Variants in GBA2 observed in about 807,000 individuals in gnomAD.
The protein encoded by GBA2 is glucosylceramidase beta 2.
GBA2 carries 79 observed loss-of-function variants against 112.9 expected under a neutral mutation model. That is an observed-to-expected ratio of 0.70 (90% CI 0.58 to 0.84). GBA2 has a LOEUF of 0.84. GBA2 is among the 40% of genes least tolerant of loss of function. GBA2 has a pLI of 0.00. For missense variants in GBA2, 1,043 were observed against 1,190.0 expected (o/e 0.88, Z 1.82); for synonymous variants, 403 against 434.3 (o/e 0.93, Z 0.90).
intron 3 of GBA2, among the ~76,000 whole-genome samples, chr9:35,743,939 T>C (rs1299689127): frequency 1.3e-5 from 2 of 152,128 alleles, no homozygotes; most frequent in East Asian, 3.9e-4. Flanking sequence ...TTGGGTTTTC[T>C]TTTCCCTTCC....
In GBA2 at chr9:35,741,259, C is replaced by T. The variant is rs1826657213; in HGVS notation, c.787-195G>A. On this transcript the variant is annotated intron_variant, in intron 4 of 16. Transcript: ENST00000378103. This position sits in a 1 kb window ranked among gnomAD's most constrained non-coding sequence, Gnocchi z 4.6. ...ATATAGAAGACCAGAACCAGTTGGG[C>T]GGTGGTTCTGGGAAGCCAGTGTGAT... 3 of 608,196 alleles carry T rather than the reference C, an allele frequency of 4.9e-6. No homozygotes were observed. Among genetic ancestry groups the T allele is most frequent in the African/African-American group, 3.7e-5 (2 of 54,020 alleles). 37.7% of individuals were successfully genotyped at this position (608,196 alleles called of 1,614,324 possible).
Position 35,739,064 on chromosome 9 carries a change from A to G in GBA2, c.1733T>C (p.Met578Thr), listed in dbSNP as rs571370571. 1.2e-6 allele frequency: 2 copies of G among 1,613,574 alleles called. No individual in the cohort carries two copies. The highest frequency in any genetic ancestry group is 2.2e-5 in the East Asian group (1 of 44,832). ...REDLTRRRYL[M>T]SGVMAPVKRR... is the part of the protein sequence containing the mutation. ...TTTCACAGGTGCCATCACCCCACTC[A>G]TCAGGTACCGTCGCCGTGTCAGGTC... Residue 578 changes from methionine (M) to threonine (T), a missense_variant, in exon 11 of 17, where the codon ATG (methionine) becomes ACG (threonine). By Grantham distance (81) the Met-to-Thr change is moderately conservative. Coordinates refer to ENST00000378103, the MANE Select transcript of GBA2 (RefSeq NM_020944.3).
At position 35,737,952 on chromosome 9, in the gene GBA2, G is replaced by A. The variant is rs1181066236; in HGVS notation, c.2314-13C>T. ...GGGTAGGAAACACCTGGAGGGGCAA[G>A]GGCAGGAACATGGTCTCATATACTT... On this transcript the variant is annotated splice_polypyrimidine_tract_variant and intron_variant, in intron 15 of 16. Transcript: ENST00000378103. This position sits in a 1 kb window ranked among gnomAD's most constrained non-coding sequence, Gnocchi z 4.1. 1.9e-6 allele frequency: 3 copies of A among 1,607,856 alleles called. No homozygotes were observed. Among genetic ancestry groups the A allele is most frequent in the African/African-American group, 1.3e-5 (1 of 74,908 alleles).
In GBA2 at chr9:35,737,682, G is replaced by T; in HGVS notation, c.2505+66C>A. ...ATTGGGTTATGCCTTGAAGAAATTTGGTGGTTGAGGAAGTTTTCTGGGCCA... is the reference window on the plus strand; with the variant it reads ...ATTGGGTTATGCCTTGAAGAAATTTTGTGGTTGAGGAAGTTTTCTGGGCCA... On this transcript the variant is annotated intron_variant, in intron 16 of 16. Coordinates refer to ENST00000378103, the MANE Select transcript of GBA2 (RefSeq NM_020944.3). The surrounding 1 kb of genome is among the most constrained non-coding windows in gnomAD (Gnocchi z 4.1). The T allele has an allele frequency of 6.2e-7, 1 of 1,611,394 alleles. No homozygotes were observed. Among genetic ancestry groups the T allele is most frequent in the Non-Finnish European group, 8.5e-7 (1 of 1,177,582 alleles).
chr9:35,747,208 T>A (rs1394229907), intron 1 of GBA2, among the ~76,000 whole-genome samples: 1 of 152,206 alleles, frequency 6.6e-6, no homozygotes, highest in Non-Finnish European at 1.5e-5. Flanking sequence ...CAGGCCTCTA[T>A]GACTCAGTTC....
chr9:35,737,833 T>A lies in GBA2; in HGVS notation c.2420A>T (p.His807Leu). ...AMGAVNGMQP[H>L]GVPDKSSVQS... Reference sequence around the variant, plus strand: ...CACACTGGATTTATCAGGGACACCATGGGGCTGCATCCCATTCACAGCCCC... The same window carrying A: ...CACACTGGATTTATCAGGGACACCAAGGGGCTGCATCCCATTCACAGCCCC... The change falls in exon 16 of 17, where the codon CAT becomes CTT. Residue 807 changes from histidine (H) to leucine (L), a missense_variant. Coordinates refer to ENST00000378103, the MANE Select transcript of GBA2 (RefSeq NM_020944.3). The surrounding 1 kb of genome is among the most constrained non-coding windows in gnomAD (Gnocchi z 4.1). 6.2e-7 allele frequency: 1 copy of A among 1,613,682 alleles called. No homozygotes were observed. The highest frequency in any genetic ancestry group is 1.1e-5 in the South Asian group (1 of 91,046).
chr9:35,748,632 C>T lies in GBA2; in HGVS notation c.73G>A (p.Asp25Asn). The T allele has an allele frequency of 6.2e-7, 1 of 1,613,312 alleles. No homozygotes were observed. The highest frequency in any genetic ancestry group is 1.1e-5 in the South Asian group (1 of 91,012). The change falls in exon 1 of 17, where the codon GAT becomes AAT. Residue 25 changes from aspartate (D) to asparagine (N), a missense_variant. Physicochemically the swap from Asp to Asn is conservative, Grantham distance 23. Transcript: ENST00000378103. ...ASEQISCAKE[D>N]PQVYCPEETG... ...TCTTCAGGGCAATAAACTTGTGGAT[C>T]CTCTTTGGCACAGCTTATCTGCTCC... is the stretch of plus-strand genomic sequence containing the variant.
chr9:35,739,725 C>T lies in GBA2; in HGVS notation c.1485G>A (p.Leu495=), dbSNP rs1826522227. ...CTGGTAGGGAGTCCTCAAGAACTTC[C>T]AGCCACACTGTGCCTCCATCAGCCA... ...YFLADGGTVW[L]EVLEDSLPEE... The change falls in exon 9 of 17, where the codon CTG becomes CTA. Residue 495 remains leucine (L), a synonymous_variant. Transcript: ENST00000378103. 1.2e-6 allele frequency: 2 copies of T among 1,613,916 alleles called. No homozygotes were observed. Among genetic ancestry groups the T allele is most frequent in the Non-Finnish European group, 1.7e-6 (2 of 1,179,764 alleles).
chr9:35,744,892 G>A (rs953845566), intron 1 of GBA2, among the ~76,000 whole-genome samples, 186 bp from the exon 2 acceptor site: 1 of 152,140 alleles, frequency 6.6e-6, no homozygotes, highest in African/African-American at 2.4e-5. Flanking sequence ...CAGCTGAAGT[G>A]AAGGAGTGGC....
At chr9:35,747,222 T>A (rs1307599528) in intron 1 of GBA2, among the ~76,000 whole-genome samples, 1 of 152,192 alleles carries the variant, frequency 6.6e-6, no homozygotes, top group Non-Finnish European at 1.5e-5. Flanking sequence ...TCAGTTCATA[T>A]TTAAGGGCTA....
chr9:35,742,416 C>T (rs567137638), intron 3 of GBA2, among the ~76,000 whole-genome samples: 70 of 152,300 alleles, frequency 4.6e-4, no homozygotes, highest in African/African-American at 1.4e-3. Context: ...CATGCTTGTT[C>T]GCTATCTGGT....
In GBA2 at chr9:35,740,246, TG is replaced by T; in HGVS notation, c.1245del (p.Arg416GlyfsTer156). 1 of 1,614,146 alleles carries T rather than the reference TG, an allele frequency of 6.2e-7. No individual in the cohort carries two copies. The highest frequency in any genetic ancestry group is 8.5e-7 in the Non-Finnish European group (1 of 1,180,010). On this transcript the variant is annotated frameshift_variant, in exon 7 of 17. Transcript: ENST00000378103. LOFTEE classifies it high-confidence loss of function. This position sits in a 1 kb window ranked among gnomAD's most constrained non-coding sequence, Gnocchi z 4.7. The part of the protein sequence containing the change: ...RLEFSLAWDM[P>X]RIMFGAKGQV... ...TGGCCTTTAGCTCCAAACATGATCC[TG>T]GGCATGTCCCAAGCCAGTGAAAACT...
At position 35,740,549 on chromosome 9, in the gene GBA2, T is replaced by C. The variant is rs972337945; in HGVS notation, c.1106A>G (p.Asp369Gly). Reference sequence around the variant, plus strand: ...ACCAGTGGGAGAGTCCAGCTGTCCATCCTGAAGTAGATCCTGCCACACCTG... The same window carrying C: ...ACCAGTGGGAGAGTCCAGCTGTCCACCCTGAAGTAGATCCTGCCACACCTG... The part of the protein sequence containing the change: ...GQQVWQDLLQ[D>G]GQLDSPTGQS... Residue 369 changes from aspartate to glycine, a missense_variant, in exon 6 of 17, where the codon GAT becomes GGT. Coordinates refer to ENST00000378103, the MANE Select transcript of GBA2 (RefSeq NM_020944.3). This position sits in a 1 kb window ranked among gnomAD's most constrained non-coding sequence, Gnocchi z 4.7. 1 of 1,613,174 alleles carries C rather than the reference T, an allele frequency of 6.2e-7. No homozygotes were observed. The highest frequency in any genetic ancestry group is 8.5e-7 in the Non-Finnish European group (1 of 1,179,182).
rs1397684086 is a variant in GBA2 at position 35,737,512 on chromosome 9, A to T, written c.2506-65T>A. 3 of 1,579,362 alleles carry T rather than the reference A, an allele frequency of 1.9e-6. No homozygotes were observed. Among genetic ancestry groups the T allele is most frequent in the Non-Finnish European group, 2.6e-6 (3 of 1,161,836 alleles). On this transcript the variant is annotated intron_variant, in intron 16 of 16. Coordinates refer to ENST00000378103, the MANE Select transcript of GBA2 (RefSeq NM_020944.3). The surrounding 1 kb of genome is among the most constrained non-coding windows in gnomAD (Gnocchi z 4.1). Reference sequence around the variant, plus strand: ...CCCTCTGAAGAGCCACTTCCACTGGATAGATGGAGGCAGTAGAGTCTTTGC... The same window carrying T: ...CCCTCTGAAGAGCCACTTCCACTGGTTAGATGGAGGCAGTAGAGTCTTTGC...
chr9:35,742,174 G>C (rs1826729762), intron 3 of GBA2: 2 of 501,160 alleles, frequency 4.0e-6, no homozygotes, highest in Non-Finnish European at 7.3e-6. Context: ...GTAGCAGAGT[G>C]ATCTTTCTCA....
At position 35,737,832 on chromosome 9, in the gene GBA2, A is replaced by G; in HGVS notation, c.2421T>C (p.His807=). The part of the protein sequence containing the change: ...AMGAVNGMQP[H]GVPDKSSVQS... ...GCACACTGGATTTATCAGGGACACCATGGGGCTGCATCCCATTCACAGCCC... is the reference window on the plus strand; with the variant it reads ...GCACACTGGATTTATCAGGGACACCGTGGGGCTGCATCCCATTCACAGCCC... The change falls in exon 16 of 17, where the codon CAT becomes CAC. Residue 807 remains histidine (H), a synonymous_variant. Coordinates refer to ENST00000378103, the MANE Select transcript of GBA2 (RefSeq NM_020944.3). The surrounding 1 kb of genome is among the most constrained non-coding windows in gnomAD (Gnocchi z 4.1). 1 of 1,613,808 alleles carries G rather than the reference A, an allele frequency of 6.2e-7. No individual in the cohort carries two copies. The highest frequency in any genetic ancestry group is 1.1e-5 in the South Asian group (1 of 91,054).
intron 3 of GBA2, chr9:35,743,275 C>G (rs1049202113): frequency 2.0e-5 from 3 of 153,774 alleles, no homozygotes; most frequent in Non-Finnish European, 4.4e-5. Context: ...CATTTACCAA[C>G]CTTGTGACCT....
chr9:35,748,460 G>A lies in GBA2; in HGVS notation c.245C>T (p.Pro82Leu). Residue 82 changes from proline to leucine, a missense_variant, in exon 1 of 17, where the codon CCT becomes CTT. Physicochemically the swap from Pro to Leu is moderately conservative, Grantham distance 98. Coordinates refer to ENST00000378103, the MANE Select transcript of GBA2 (RefSeq NM_020944.3). ...YEGKAMGYQV[P>L]PFGWRICLAH... ...CAGACAGATGCGCCAGCCAAAGGGA[G>A]GCACCTGGTAGCCCATAGCTTTACC... is the stretch of plus-strand genomic sequence containing the variant. 6.2e-7 allele frequency: 1 copy of A among 1,614,136 alleles called. No individual in the cohort carries two copies. Among genetic ancestry groups the A allele is most frequent in the East Asian group, 2.2e-5 (1 of 44,884 alleles).
chr9:35,739,887 C>T, intron 8 of GBA2, 87 bp from the exon 9 acceptor site: 1 of 1,537,134 alleles, frequency 6.5e-7, no homozygotes, highest in Non-Finnish European at 9.0e-7. Context: ...GTGGGATCAT[C>T]AAATGAATCC....
Sources: gnomAD v4.1 joint callset for allele counts (sites outside exome capture counted in the v4.1 genomes callset) on GRCh38, gnomAD v4.1.1 for gene constraint, Gnocchi (gnomAD v3.1) non-coding constraint, MANE v1.5 for transcripts, NCBI Gene and HGNC (gene_info 2026-07-23, HGNC 2026-07-21) for gene names.